The following KANK1 variants were observed in gnomAD, a reference collection of about 807,000 sequenced individuals.
KANK1 encodes the protein KN motif and ankyrin repeat domain-containing protein 1.
A neutral mutation model predicts 106.2 loss-of-function variants in KANK1; 109 were observed. The observed-to-expected ratio is 1.03, with a 90% CI of 0.88 to 1.20. KANK1 has a LOEUF of 1.20. KANK1 is among the 50% of genes most tolerant of loss of function. The pLI is 0.00. For synonymous variants in KANK1, 873 were observed against 652.2 expected (o/e 1.34, Z -5.16); for missense variants, 2,399 against 1,710.7 (o/e 1.40, Z -7.10).
chr9:587,655 C>G (rs77065634), intron 1 of KANK1, among the ~76,000 whole-genome samples: 1,767 of 152,298 alleles, frequency 0.012, 42 homozygotes, highest in African/African-American at 0.041. Flanking sequence ...ACTTGAGTAA[C>G]ATTTATTACA....
intron 1 of KANK1, among the ~76,000 whole-genome samples, chr9:643,900 A>G (rs1839075588): frequency 6.8e-6 from 1 of 146,914 alleles, no homozygotes; most frequent in South Asian, 2.2e-4. Context: ...ACGGGGTTTC[A>G]CCATGTTGCC....
At chr9:742,776 C>T (rs1836015672) in intron 10 of KANK1, among the ~76,000 whole-genome samples, 1 of 152,156 alleles carries the variant, frequency 6.6e-6, no homozygotes, top group Admixed American at 6.5e-5. Flanking sequence ...TCTGGATTAT[C>T]ATTAGAGGCT....
intron 1 of KANK1, among the ~76,000 whole-genome samples, chr9:586,528 A>G (rs1823514190): frequency 6.6e-6 from 1 of 152,136 alleles, no homozygotes; most frequent in Non-Finnish European, 1.5e-5. Context: ...ATGACGAGAG[A>G]GATGACTTGA....
At position 668,891 on chromosome 9, in the gene KANK1, G is replaced by T. The variant is rs1845275394; in HGVS notation, c.-83-7999G>T. Among the ~76,000 whole-genome samples, 5 of 152,080 alleles carry T rather than the reference G, an allele frequency of 3.3e-5. No individual in the cohort carries two copies. The South Asian group carries it at 1.0e-3, about 32-fold the overall frequency. On this transcript the variant is annotated intron_variant, in intron 1 of 11. Coordinates refer to ENST00000382297, the MANE Select transcript of KANK1 (RefSeq NM_015158.5). ...CGCTCAACCTAGATCCTTCGCACTTGCAGTTCACAATAGGGTTTGCACTCT... is the reference window on the plus strand; with the variant it reads ...CGCTCAACCTAGATCCTTCGCACTTTCAGTTCACAATAGGGTTTGCACTCT...
intron 2 of KANK1, among the ~76,000 whole-genome samples, chr9:679,715 A>T (rs912090635): frequency 2.0e-5 from 3 of 152,192 alleles, no homozygotes; most frequent in African/African-American, 7.2e-5. Context: ...CTGAAAATTT[A>T]AAAGTATAGA....
intron 3 of KANK1, among the ~76,000 whole-genome samples, chr9:499,636 T>G (rs1344034681): frequency 6.6e-6 from 1 of 152,190 alleles, no homozygotes; most frequent in African/African-American, 2.4e-5. Context: ...AAAGGACATG[T>G]GGGCCTGAGA....
rs1834332566 is a variant in KANK1 at position 738,293 on chromosome 9, T to C, written c.3342T>C (p.Cys1114=). 4 of 1,612,024 alleles carry C rather than the reference T, an allele frequency of 2.5e-6. No individual in the cohort carries two copies. The highest frequency in any genetic ancestry group is 1.6e-4 in the Middle Eastern group (1 of 6,062). Residue 1114 remains cysteine (C), a synonymous_variant, in exon 8 of 12, where the codon TGT becomes TGC. Coordinates refer to ENST00000382297, the MANE Select transcript of KANK1 (RefSeq NM_015158.5). ...KALTSKDMRF[C]LNTLQHEWFR... is the part of the protein sequence containing the mutation. ...ACTTGGTGTTTTGGCAGAGGTTCTG[T>C]CTGAACACCCTCCAGCACGAGTGGT...
At chr9:529,085 C>T (rs903224068) in intron 1 of KANK1, among the ~76,000 whole-genome samples, 5 of 152,070 alleles carry the variant, frequency 3.3e-5, no homozygotes, top group Admixed American at 1.3e-4. Context: ...AGGTGTGAGC[C>T]ACTGTGCCTG....
chr9:650,985 T>A (rs1215827111), intron 1 of KANK1, among the ~76,000 whole-genome samples: 1 of 152,160 alleles, frequency 6.6e-6, no homozygotes, highest in African/African-American at 2.4e-5. Context: ...ATGTGCCTTC[T>A]CTTTCCACCT....
chr9:724,570 G>A (rs1830188430), intron 3 of KANK1, among the ~76,000 whole-genome samples: 1 of 152,170 alleles, frequency 6.6e-6, no homozygotes, highest in Non-Finnish European at 1.5e-5. Flanking sequence ...GGCCGAGGTA[G>A]GTAGGTGGAT....
intron 1 of KANK1, among the ~76,000 whole-genome samples, chr9:671,977 G>A (rs1237732046): frequency 3.9e-5 from 6 of 152,144 alleles, no homozygotes; most frequent in South Asian, 2.1e-4. Flanking sequence ...ATAAAATTCC[G>A]AGATGCAGCT....
chr9:513,705 C>G (rs1231718060), intron 1 of KANK1, among the ~76,000 whole-genome samples: 2 of 152,110 alleles, frequency 1.3e-5, no homozygotes, highest in South Asian at 2.1e-4. Context: ...GTTGTTAATT[C>G]TGACTGGTTC....
intron 3 of KANK1, among the ~76,000 whole-genome samples, chr9:716,217 T>C (rs1827656813): frequency 6.6e-6 from 1 of 152,230 alleles, no homozygotes; most frequent in Non-Finnish European, 1.5e-5. Flanking sequence ...GGGTTCACAT[T>C]CTTTCTCTGT....
rs372065664 is a variant in KANK1, at chr9:481,252, C to T, written c.-362+7979C>T. Among the ~76,000 whole-genome samples the T allele has an allele frequency of 2.9e-4, 44 of 151,952 alleles. No individual in the cohort carries two copies. The East Asian group carries it at 7.0e-3, about 24-fold the overall frequency. ...AAAGTTGAGTAATTATAAGTCAAAC[C>T]ATTGTAAGTTGGAGACTATCTGTAT... On this transcript the variant is annotated intron_variant, in intron 3 of 15. Transcript: ENST00000382303.
At chr9:613,797 TA>T (rs1285227736) in intron 1 of KANK1, among the ~76,000 whole-genome samples, 4 of 151,274 alleles carry the variant, frequency 2.6e-5, no homozygotes, top group Non-Finnish European at 4.4e-5. Flanking sequence ...CTTTCTGTTG[TA>T]AAAAAGACTG....
chr9:693,647 A>G (rs1035771406), intron 2 of KANK1: 1 of 985,412 alleles, frequency 1.0e-6, no homozygotes, highest in Non-Finnish European at 1.2e-6. Context: ...GAAATTCCAA[A>G]TGGGTATAAA....
intron 1 of KANK1, among the ~76,000 whole-genome samples, chr9:647,898 A>AG (rs1328383806): frequency 2.7e-5 from 4 of 150,578 alleles, no homozygotes; most frequent in Admixed American, 1.3e-4. Context: ...AGAACACTAA[A>AG]GGACCCGGTT....
chr9:516,878 T>C (rs1013895526), intron 1 of KANK1, among the ~76,000 whole-genome samples: 5 of 151,618 alleles, frequency 3.3e-5, no homozygotes, highest in Non-Finnish European at 7.3e-5. Context: ...AGGAATTTCA[T>C]GCCTCCATCA....
intron 1 of KANK1, among the ~76,000 whole-genome samples, chr9:666,931 CCTTATCTGGTTT>C (rs1844748739): frequency 1.1e-5 from 1 of 87,156 alleles, no homozygotes; most frequent in Non-Finnish European, 2.2e-5. Flanking sequence ...TTTTTGGTGG[CCTTATCTGGTTT>C]TGGTATCAGG....
Sources: allele counts gnomAD v4.1 joint callset (sites outside exome capture counted in the v4.1 genomes callset), GRCh38; gene constraint gnomAD v4.1.1; transcripts MANE v1.5; gene names NCBI Gene and HGNC (gene_info 2026-07-23, HGNC 2026-07-21).